The following DIPK1A variants were observed in gnomAD, a reference collection of about 807,000 sequenced individuals.
DIPK1A encodes the protein divergent protein kinase domain 1A.
Under a neutral mutation model 40.8 loss-of-function variants are expected in DIPK1A, and 27 were observed. That is an observed-to-expected ratio of 0.66 (90% CI 0.49 to 0.91). The LOEUF is 0.91. DIPK1A is among the 40% of genes least tolerant of loss of function. DIPK1A has a pLI of 0.00. For synonymous variants in DIPK1A, 166 were observed against 171.3 expected, an observed-to-expected ratio of 0.97 and a Z score of 0.24; for missense variants, 412 against 505.7, an observed-to-expected ratio of 0.81 and a Z score of 1.78.
intron 3 of DIPK1A, among the ~76,000 whole-genome samples, chr1:92,849,758 C>T (rs1413507093): frequency 6.6e-6 from 1 of 152,056 alleles, no homozygotes; most frequent in Non-Finnish European, 1.5e-5. Context: ...AAGTGACCTA[C>T]CGCCTCAGCC....
intron 1 of DIPK1A, among the ~76,000 whole-genome samples, chr1:92,908,370 G>C (rs1649706320): frequency 1.3e-5 from 2 of 152,208 alleles, no homozygotes; most frequent in Non-Finnish European, 2.9e-5. Flanking sequence ...TGATAAAAGA[G>C]AGCATGGAAG....
chr1:92,851,479 G>A (rs1247567293), intron 2 of DIPK1A, among the ~76,000 whole-genome samples: 1 of 139,736 alleles, frequency 7.2e-6, no homozygotes, highest in African/African-American at 2.6e-5. Flanking sequence ...GGAGGCAGAG[G>A]TTGTGGTGAG....
intron 2 of DIPK1A, among the ~76,000 whole-genome samples, chr1:92,865,158 T>C (rs902343940): frequency 6.6e-6 from 1 of 151,706 alleles, no homozygotes; most frequent in African/African-American, 2.4e-5. Flanking sequence ...GGGCAGGAGT[T>C]GGAGATCAGC....
At chr1:92,851,729 G>A (rs938005283) in intron 2 of DIPK1A, among the ~76,000 whole-genome samples, 4 of 152,022 alleles carry the variant, frequency 2.6e-5, no homozygotes, top group Non-Finnish European at 5.9e-5. Context: ...AGGATGACCT[G>A]CCAAATTCAG....
chr1:92,834,650 G>C (rs1687046007), intron 4 of DIPK1A: 1 of 1,236,188 alleles, frequency 8.1e-7, no homozygotes, highest in Non-Finnish European at 1.2e-6. Context: ...ACCCAGCTAA[G>C]AGTCTTAAGC....
At chr1:92,852,178 G>C (rs1687844605) in intron 2 of DIPK1A, among the ~76,000 whole-genome samples, 1 of 152,106 alleles carries the variant, frequency 6.6e-6, no homozygotes. Flanking sequence ...AGGAAGAATG[G>C]AATAGGAAAA....
At chr1:92,957,308 C>G (rs527727603) in intron 1 of DIPK1A, among the ~76,000 whole-genome samples, 114 of 152,244 alleles carry the variant, frequency 7.5e-4, no homozygotes, top group African/African-American at 2.7e-3. Flanking sequence ...GAAAATACTG[C>G]CTAAAAATGG....
intron 1 of DIPK1A, among the ~76,000 whole-genome samples, chr1:92,903,612 A>T (rs1313687127): frequency 2.6e-5 from 4 of 152,220 alleles, no homozygotes; most frequent in Non-Finnish European, 4.4e-5. Context: ...TTTATCTAGG[A>T]AATGTATGTC....
At chr1:92,949,752 A>C (rs1162923928) in intron 1 of DIPK1A, among the ~76,000 whole-genome samples, 1 of 152,250 alleles carries the variant, frequency 6.6e-6, no homozygotes, top group African/African-American at 2.4e-5. Flanking sequence ...ATGAAGTGGA[A>C]GGAGAAACAT....
chr1:92,909,981 T>C (rs758977244), intron 1 of DIPK1A, among the ~76,000 whole-genome samples: 6 of 152,216 alleles, frequency 3.9e-5, no homozygotes, highest in Non-Finnish European at 7.3e-5. Context: ...GCCTTCTTTG[T>C]ACCAAATAAA....
chr1:92,841,909 T>C (rs1687381970), downstream of DIPK1A: 1 of 1,393,394 alleles, frequency 7.2e-7, no homozygotes. Context: ...GATAATAAAC[T>C]TATGAACAGC....
chr1:92,861,896 C>T (rs1647289051), intron 2 of DIPK1A, among the ~76,000 whole-genome samples: 2 of 151,922 alleles, frequency 1.3e-5, no homozygotes, highest in Admixed American at 6.6e-5. Flanking sequence ...CCTCCCACCT[C>T]GGCCTCCCAA....
At chr1:92,943,914 T>C (rs1651267628) in intron 1 of DIPK1A, among the ~76,000 whole-genome samples, 1 of 151,948 alleles carries the variant, frequency 6.6e-6, no homozygotes, top group Non-Finnish European at 1.5e-5. Context: ...AGAGCTAAGA[T>C]AAACATATAG....
chr1:92,877,889 A>G (rs1648198502), intron 1 of DIPK1A, among the ~76,000 whole-genome samples: 1 of 152,244 alleles, frequency 6.6e-6, no homozygotes, highest in South Asian at 2.1e-4. Context: ...AGATTAAATG[A>G]CATAATGCCT....
chr1:92,867,773 T>A (rs532154911), intron 2 of DIPK1A, among the ~76,000 whole-genome samples: 13 of 152,314 alleles, frequency 8.5e-5, no homozygotes, highest in Admixed American at 2.0e-4. Context: ...CCCAAAGCAC[T>A]GGGATTACAG....
chr1:92,843,470 T>C lies in DIPK1A; in HGVS notation c.1200A>G (p.Ala400=). ...LYSCIALKVT[A]NQMEMEHSLI... is the part of the protein sequence containing the mutation. Reference sequence around the variant, plus strand: ...AAGAATGTTCCATTTCCATTTGATTTGCTGTGACTTTGAGAGCAATACAAG... The same window carrying C: ...AAGAATGTTCCATTTCCATTTGATTCGCTGTGACTTTGAGAGCAATACAAG... Residue 400 remains alanine (A), a synonymous_variant, in exon 5 of 5, where the codon GCA becomes GCG. Transcript: ENST00000370310. The C allele has an allele frequency of 6.4e-7, 1 of 1,551,558 alleles. No homozygotes were observed. Among genetic ancestry groups the C allele is most frequent in the Non-Finnish European group, 8.7e-7 (1 of 1,146,884 alleles).
At position 92,876,414 on chromosome 1, in the gene DIPK1A, A is replaced by G. The variant is rs1444583401; in HGVS notation, c.71T>C (p.Val24Ala). The G allele has an allele frequency of 6.2e-7, 1 of 1,612,998 alleles. No individual in the cohort carries two copies. The highest frequency in any genetic ancestry group is 1.1e-5 in the South Asian group (1 of 90,798). ...PYYLQARFSY[V>A]RMKYLFFSWL... ...GGAAAAGAAAAGATATTTCATCCGC[A>G]CATATGAGAAGCGAGCCTGTGAGTA... is the stretch of plus-strand genomic sequence containing the variant. Residue 24 changes from valine to alanine, a missense_variant, in exon 2 of 5, where the codon GTG becomes GCG. Coordinates refer to ENST00000370310, the MANE Select transcript of DIPK1A (RefSeq NM_001006605.5).
In DIPK1A at chr1:92,843,394, T is replaced by C. The variant is rs1488883280; in HGVS notation, c.1276A>G (p.Asn426Asp). Residue 426 changes from asparagine to aspartate, a missense_variant, in exon 5 of 5, where the codon AAT becomes GAT. Physicochemically the swap from Asn to Asp is conservative, Grantham distance 23. Coordinates refer to ENST00000370310, the MANE Select transcript of DIPK1A (RefSeq NM_001006605.5). ...TATGTCCAAATGAACTAAGAGTCAT[T>C]AGTGTAGGAAATTTTCTTCCACAAT... is the stretch of plus-strand genomic sequence containing the variant. ...TLLWKKISYT[N>D]DS 2 of 1,539,754 alleles carry C rather than the reference T, an allele frequency of 1.3e-6. No individual in the cohort carries two copies. Among genetic ancestry groups the C allele is most frequent in the Non-Finnish European group, 8.8e-7 (1 of 1,141,068 alleles).
intron 2 of DIPK1A, among the ~76,000 whole-genome samples, chr1:92,874,012 T>A (rs1184271860): frequency 6.6e-6 from 1 of 152,174 alleles, no homozygotes; most frequent in Non-Finnish European, 1.5e-5. Flanking sequence ...AAGAACATAA[T>A]CCCAAATGCA....
Sources: gnomAD v4.1 joint callset for allele counts (sites outside exome capture counted in the v4.1 genomes callset) on GRCh38, gnomAD v4.1.1 for gene constraint, MANE v1.5 for transcripts, NCBI Gene and HGNC (gene_info 2026-07-23, HGNC 2026-07-21) for gene names.